DPP10: variants seen among roughly 807,000 people sequenced by gnomAD.
DPP10 encodes the protein dipeptidyl peptidase like 10.
Under a neutral mutation model 120.9 loss-of-function variants are expected in DPP10, and 33 were observed. That is an observed-to-expected ratio of 0.27 (90% CI 0.21 to 0.37). The LOEUF (loss-of-function observed/expected upper bound fraction) is 0.37, where lower values mean the gene tolerates loss of function less well. DPP10 is among the 10% of genes least tolerant of loss of function. The pLI is 1.00. For synonymous variants in DPP10, 337 were observed against 326.1 expected (o/e 1.03, Z -0.36); for missense variants, 816 against 942.8 (o/e 0.87, Z 1.76).
intron 1 of DPP10, among the ~76,000 whole-genome samples, chr2:114,843,637 C>T (rs1370784895): frequency 6.6e-6 from 1 of 152,130 alleles, no homozygotes; most frequent in African/African-American, 2.4e-5. Context: ...AATCATATCT[C>T]TGCTCTTCAA....
chr2:115,450,865 TTTG>T (rs1358636461), intron 3 of DPP10, among the ~76,000 whole-genome samples: 3 of 151,956 alleles, frequency 2.0e-5, no homozygotes, highest in Non-Finnish European at 4.4e-5. Flanking sequence ...TTAGATTTTA[TTTG>T]TTATGATTCT....
intron 1 of DPP10, among the ~76,000 whole-genome samples, chr2:115,193,695 A>G (rs921231025): frequency 4.6e-5 from 7 of 152,222 alleles, no homozygotes; most frequent in African/African-American, 1.7e-4. Flanking sequence ...TTCTCTAAGT[A>G]CTTTAAATCT....
intron 1 of DPP10, among the ~76,000 whole-genome samples, chr2:114,617,004 A>C (rs1693724883): frequency 6.6e-6 from 1 of 152,134 alleles, no homozygotes; most frequent in Non-Finnish European, 1.5e-5. Flanking sequence ...CAGGAAATAC[A>C]AGGGATAGAG....
intron 3 of DPP10, among the ~76,000 whole-genome samples, chr2:115,454,375 C>T (rs2073358299): frequency 6.6e-6 from 1 of 151,450 alleles, no homozygotes; most frequent in Non-Finnish European, 1.5e-5. Flanking sequence ...ATATAAAAAG[C>T]ATTATACACT....
At chr2:114,876,206 T>C (rs1691144752) in intron 1 of DPP10, among the ~76,000 whole-genome samples, 1 of 152,152 alleles carries the variant, frequency 6.6e-6, no homozygotes, top group African/African-American at 2.4e-5. Flanking sequence ...TAAGATATTA[T>C]GCAATATTGG....
chr2:115,146,940 C>A (rs1280533093), intron 1 of DPP10, among the ~76,000 whole-genome samples: 1 of 152,066 alleles, frequency 6.6e-6, no homozygotes, highest in Non-Finnish European at 1.5e-5. Context: ...TGTGAGAAAT[C>A]ATTTTCTGTT....
chr2:114,717,546 C>T (rs1192388307), intron 1 of DPP10, among the ~76,000 whole-genome samples: 1 of 152,084 alleles, frequency 6.6e-6, no homozygotes, highest in Admixed American at 6.6e-5. Flanking sequence ...TTAGGAGACT[C>T]AAAAACAGAT....
At chr2:115,475,580 A>G (rs914617449) in intron 3 of DPP10, among the ~76,000 whole-genome samples, 1 of 152,134 alleles carries the variant, frequency 6.6e-6, no homozygotes, top group Non-Finnish European at 1.5e-5. Context: ...GAGCTGTGAG[A>G]AGAGGGCCAC....
intron 1 of DPP10, among the ~76,000 whole-genome samples, chr2:114,895,515 C>T (rs1692893062): frequency 6.6e-6 from 1 of 152,154 alleles, no homozygotes; most frequent in Non-Finnish European, 1.5e-5. Flanking sequence ...GGTGTGTTCT[C>T]ACTCCTCATA....
At chr2:114,922,038 G>A (rs988853505) in intron 1 of DPP10, among the ~76,000 whole-genome samples, 2 of 152,148 alleles carry the variant, frequency 1.3e-5, no homozygotes, top group African/African-American at 4.8e-5. Context: ...GAGTGTATAT[G>A]TTAAATGCTA....
chr2:114,809,827 C>T (rs1017763932), intron 1 of DPP10, among the ~76,000 whole-genome samples: 3 of 152,124 alleles, frequency 2.0e-5, no homozygotes, highest in Non-Finnish European at 4.4e-5. Context: ...CCAGGTGATG[C>T]AGATGCTGGT....
intron 3 of DPP10, among the ~76,000 whole-genome samples, chr2:115,495,729 C>T (rs997156924): frequency 6.6e-6 from 1 of 152,086 alleles, no homozygotes; most frequent in African/African-American, 2.4e-5. Context: ...ACTGAAAATA[C>T]GTGCTTAGAT....
chr2:114,774,665 G>GTA (rs34871165), intron 1 of DPP10, among the ~76,000 whole-genome samples: 13,431 of 145,072 alleles, frequency 0.093, 643 homozygotes, highest in South Asian at 0.13. Context: ...CAATAATGAT[G>GTA]TATATATATA....
At chr2:115,401,020 G>A (rs1438459625) in intron 3 of DPP10, among the ~76,000 whole-genome samples, 1 of 152,146 alleles carries the variant, frequency 6.6e-6, no homozygotes, top group African/African-American at 2.4e-5. Context: ...CTGGTTGGGG[G>A]AGCAATGGAC....
intron 3 of DPP10, among the ~76,000 whole-genome samples, chr2:115,444,886 A>G (rs1194499213): frequency 6.6e-6 from 1 of 152,154 alleles, no homozygotes; most frequent in Non-Finnish European, 1.5e-5. Context: ...GGCTCACATT[A>G]GCTAACTCAT....
chr2:114,844,406 G>C (rs536232810), intron 1 of DPP10, among the ~76,000 whole-genome samples: 7 of 151,360 alleles, frequency 4.6e-5, no homozygotes, highest in Admixed American at 4.0e-4. Context: ...TAAAACTAGA[G>C]ATCTTTTTGA....
chr2:115,774,999 G>T (rs1162752328), intron 13 of DPP10, among the ~76,000 whole-genome samples: 1 of 151,994 alleles, frequency 6.6e-6, no homozygotes, highest in African/African-American at 2.4e-5. Flanking sequence ...CATTTAAAAG[G>T]TTATACATTT....
intron 5 of DPP10, among the ~76,000 whole-genome samples, chr2:115,681,880 T>G (rs2090685750): frequency 1.3e-5 from 2 of 151,650 alleles, no homozygotes; most frequent in South Asian, 4.1e-4. Context: ...AAACACAAGC[T>G]AAGATTTGAT....
intron 1 of DPP10, among the ~76,000 whole-genome samples, chr2:114,889,701 G>T (rs1316544477): frequency 3.3e-5 from 5 of 151,968 alleles, no homozygotes; most frequent in Non-Finnish European, 7.4e-5. Context: ...TTTTGTAATT[G>T]TGCCTCTAAC....
Sources: allele counts gnomAD v4.1 joint callset (sites outside exome capture counted in the v4.1 genomes callset), GRCh38; gene constraint gnomAD v4.1.1; transcripts MANE v1.5; gene names NCBI Gene and HGNC (gene_info 2026-07-23, HGNC 2026-07-21).